The following KLF12 variants were observed in gnomAD, a reference collection of about 807,000 sequenced individuals.
KLF12 encodes the protein Krueppel-like factor 12.
KLF12 carries 9 observed loss-of-function variants against 37.8 expected under a neutral mutation model. That is an observed-to-expected ratio of 0.24 (90% CI 0.14 to 0.42). The LOEUF (loss-of-function observed/expected upper bound fraction) is 0.42, where lower values mean the gene tolerates loss of function less well. Ranked by LOEUF, KLF12 falls within the 10% of genes least tolerant of loss-of-function variation. KLF12 has a pLI of 1.00. For synonymous variants in KLF12, 208 were observed against 202.1 expected, an observed-to-expected ratio of 1.03 and a Z score of -0.25; for missense variants, 411 against 516.0, an observed-to-expected ratio of 0.80 and a Z score of 1.97.
intron 1 of KLF12, among the ~76,000 whole-genome samples, chr13:74,003,776 A>G (rs1892342524): frequency 2.0e-5 from 3 of 152,204 alleles, no homozygotes; most frequent in African/African-American, 7.2e-5. Flanking sequence ...AGCTCTACTG[A>G]AAATACAGAC....
At chr13:73,897,388 C>A (rs540289756) in intron 3 of KLF12, among the ~76,000 whole-genome samples, 62 of 152,264 alleles carry the variant, frequency 4.1e-4, no homozygotes, top group African/African-American at 1.3e-3. Context: ...CTCTATTTGA[C>A]ATATCCATGT....
intron 3 of KLF12, among the ~76,000 whole-genome samples, chr13:73,934,545 C>T (rs1171836998): frequency 6.6e-6 from 1 of 152,048 alleles, no homozygotes; most frequent in Non-Finnish European, 1.5e-5. Context: ...TTTCTTTCTG[C>T]CTGCAATTTC....
chr13:74,118,480 T>C (rs1450432756), intron 1 of KLF12, among the ~76,000 whole-genome samples: 1 of 152,228 alleles, frequency 6.6e-6, no homozygotes, highest in Non-Finnish European at 1.5e-5. Flanking sequence ...AGTTATGTTG[T>C]AAAGGAAATC....
At chr13:74,187,195 G>T in the KLF12 span, among the ~76,000 whole-genome samples, 93 of 152,228 alleles carry the variant, frequency 6.1e-4, 2 homozygotes, top group South Asian at 0.017. Context: ...GGGTATGGTG[G>T]CATGTGCTGG....
chr13:73,967,724 T>A lies in KLF12; in HGVS notation c.34-23654A>T, dbSNP rs553551161. ...TCTGGATGGGTGAGGGGTTCTCTCT[T>A]TTAATTGCAAATTTAAAAGAGAAAA... On this transcript the variant is annotated intron_variant, in intron 2 of 7. Coordinates refer to ENST00000377669, the MANE Select transcript of KLF12 (RefSeq NM_007249.5). Among the ~76,000 whole-genome samples, 6 of 152,314 alleles carry A rather than the reference T, an allele frequency of 3.9e-5. No individual in the cohort carries two copies. The East Asian group carries it at 1.2e-3, about 29-fold the overall frequency.
chr13:74,028,914 A>T (rs990752615), intron 1 of KLF12, among the ~76,000 whole-genome samples: 1 of 152,118 alleles, frequency 6.6e-6, no homozygotes, highest in Non-Finnish European at 1.5e-5. Flanking sequence ...ATATGATATT[A>T]AAAAAGGTTT....
rs1204375730 is a variant in KLF12 at position 73,688,942 on chromosome 13, T to C, written c.*6548A>G. The C allele has an allele frequency of 3.9e-5, 6 of 152,112 alleles. No homozygotes were observed. Among genetic ancestry groups the C allele is most frequent in the African/African-American group, 1.4e-4 (6 of 41,448 alleles). The allele number at this position is 152,112 out of a possible 1,614,324, so 9.4% of individuals were successfully genotyped here. A position where few individuals can be genotyped will look rare whatever the true frequency, so the allele number is the denominator to read the frequency against. On this transcript the variant is annotated 3_prime_UTR_variant, in exon 8 of 8. Transcript: ENST00000377669. ...CTGCCGTTTACTATTTCTACATCCA[T>C]GAACAACTCAGCCACACTTCCCATG... is the stretch of plus-strand genomic sequence containing the variant.
Position 73,966,211 on chromosome 13 carries a change from G to T in KLF12, c.34-22141C>A, listed in dbSNP as rs955645450. 6.8e-4 allele frequency among the ~76,000 whole-genome samples: 104 copies of T among 152,156 alleles called. 1 individual carries two copies. Among genetic ancestry groups the T allele is most frequent in the Admixed American group, 6.5e-3 (99 of 15,284 alleles). ...GAAATGTGCCCAATATATAATACAA[G>T]CTTGTGCATGTCATTCTTAAGTATC... On this transcript the variant is annotated intron_variant, in intron 2 of 7. Coordinates refer to ENST00000377669, the MANE Select transcript of KLF12 (RefSeq NM_007249.5).
the KLF12 span, among the ~76,000 whole-genome samples, chr13:74,169,779 G>A: frequency 6.6e-6 from 1 of 152,164 alleles, no homozygotes; most frequent in Non-Finnish European, 1.5e-5. Flanking sequence ...CTTGAATGGC[G>A]TTGAGGAGGA....
rs548556562 is a variant in KLF12, at chr13:73,885,785, T to G, written c.124-39412A>C. On this transcript the variant is annotated intron_variant, in intron 3 of 7. Transcript: ENST00000377669. Reference sequence around the variant, plus strand: ...AAAAACCTGGTACACAGAGAATACGTTGAAGGGAGTGACAGCAGAAGTTAG... The same window carrying G: ...AAAAACCTGGTACACAGAGAATACGGTGAAGGGAGTGACAGCAGAAGTTAG... Among the ~76,000 whole-genome samples, 3 of 152,088 alleles carry G rather than the reference T, an allele frequency of 2.0e-5. No homozygotes were observed. In the South Asian group the frequency reaches 6.3e-4, roughly 32 times the overall value.
chr13:74,289,534 A>G, the KLF12 span, among the ~76,000 whole-genome samples: 1 of 152,220 alleles, frequency 6.6e-6, no homozygotes. Context: ...TGACAGATTT[A>G]TAGTCAACAT....
intron 1 of KLF12, among the ~76,000 whole-genome samples, chr13:74,039,673 G>A (rs1398624601): frequency 6.6e-6 from 1 of 152,148 alleles, no homozygotes; most frequent in Non-Finnish European, 1.5e-5. Context: ...CAGTACTTCT[G>A]GAAATAGGGG....
chr13:74,268,496 A>C, the KLF12 span, among the ~76,000 whole-genome samples: 7 of 152,190 alleles, frequency 4.6e-5, no homozygotes, highest in Non-Finnish European at 1.0e-4. Flanking sequence ...GCTGCTGGTC[A>C]TGGGATAAGT....
At chr13:73,716,414 G>A (rs1256999520) in intron 6 of KLF12, among the ~76,000 whole-genome samples, 1 of 152,136 alleles carries the variant, frequency 6.6e-6, no homozygotes, top group Non-Finnish European at 1.5e-5. Flanking sequence ...TCTACAAAAT[G>A]TACTACAGTT....
intron 1 of KLF12, among the ~76,000 whole-genome samples, chr13:74,040,852 C>A (rs1373812498): frequency 6.6e-6 from 1 of 152,228 alleles, no homozygotes; most frequent in Non-Finnish European, 1.5e-5. Context: ...TGATTTCCAT[C>A]TGCCCTCTCC....
intron 1 of KLF12, among the ~76,000 whole-genome samples, chr13:74,069,985 T>C (rs1476443927): frequency 1.3e-5 from 2 of 152,172 alleles, no homozygotes; most frequent in African/African-American, 4.8e-5. Flanking sequence ...AAGCTGGCCC[T>C]CACCAGCTAG....
intron 6 of KLF12, among the ~76,000 whole-genome samples, chr13:73,757,633 TGCTG>T (rs1186939375): frequency 6.6e-6 from 1 of 152,206 alleles, no homozygotes; most frequent in Non-Finnish European, 1.5e-5. Flanking sequence ...AGAACAAAAC[TGCTG>T]GCACATGGAG....
rs1376202104 is a variant in KLF12 at position 73,806,679 on chromosome 13, C to T, written c.806+6473G>A. On this transcript the variant is annotated intron_variant, in intron 5 of 7. Transcript: ENST00000377669. ...AAAAAAAAAAAGAAAGAAAAGAAAA[C>T]TTCTGAGACCTCTGGGGAGAGAATA... Among the ~76,000 whole-genome samples, 6 of 149,046 alleles carry T rather than the reference C, an allele frequency of 4.0e-5. No homozygotes were observed. In the East Asian group the frequency reaches 1.2e-3, roughly 29 times the overall value.
chr13:74,003,301 AGATTT>A (rs1199921901), intron 1 of KLF12, among the ~76,000 whole-genome samples: 3 of 152,222 alleles, frequency 2.0e-5, no homozygotes, highest in Non-Finnish European at 4.4e-5. Context: ...ACTGGGTAGT[AGATTT>A]AAGTCTGAAT....
Sources: gnomAD v4.1 joint callset for allele counts (sites outside exome capture counted in the v4.1 genomes callset) on GRCh38, gnomAD v4.1.1 for gene constraint, MANE v1.5 for transcripts, NCBI Gene and HGNC (gene_info 2026-07-23, HGNC 2026-07-21) for gene names.